CLEC2A: variants seen among roughly 807,000 people sequenced by gnomAD.
CLEC2A encodes keratinocyte-associated C-type lectin.
A neutral mutation model predicts 18.6 loss-of-function variants in CLEC2A; 19 were observed. The ratio of observed to expected loss-of-function variants is 1.02; its 90% CI spans 0.71 to 1.50. The LOEUF is 1.50. Among genes scored for constraint, CLEC2A ranks in the 40% most tolerant of loss-of-function variants. The pLI is 0.00. For missense variants in CLEC2A, 190 were observed against 207.9 expected, an observed-to-expected ratio of 0.91 and a Z score of 0.53; for synonymous variants, 74 against 64.0, an observed-to-expected ratio of 1.16 and a Z score of -0.75.
chr12:9,898,920 A>G, exon 5 of CLEC2A: 1 of 716,406 alleles, frequency 1.4e-6, no homozygotes, highest in Non-Finnish European at 2.6e-6. Context: ...AAGGGGTCCC[A>G]GCAGAAGAAG....
intron 4 of CLEC2A, among the ~76,000 whole-genome samples, chr12:9,907,748 A>G (rs1328462289): frequency 6.6e-6 from 1 of 152,154 alleles, no homozygotes; most frequent in Non-Finnish European, 1.5e-5. Context: ...GGCTAGGGGA[A>G]TCTGTGAACC....
intron 4 of CLEC2A, among the ~76,000 whole-genome samples, chr12:9,915,903 TAAAC>T (rs1190765770): frequency 1.3e-5 from 2 of 152,178 alleles, no homozygotes; most frequent in African/African-American, 4.8e-5. Context: ...TCTTTGTTGA[TAAAC>T]AAATCTTTCC....
chr12:9,893,415 T>G, the CLEC2A span: 52 of 1,191,478 alleles, frequency 4.4e-5, no homozygotes, highest in Middle Eastern at 1.1e-3. Flanking sequence ...ATAAATGCAC[T>G]ATTTCTTCTG....
exon 5 of CLEC2A, chr12:9,898,799 C>A (rs568908141): frequency 4.7e-5 from 28 of 597,076 alleles, no homozygotes; most frequent in Non-Finnish European, 8.3e-5. Context: ...AGAAGTACAT[C>A]TAACTGCCGT....
At chr12:9,932,217 T>C in intron 1 of CLEC2A, 58 bp downstream of exon 1, 1 of 1,216,264 alleles carries the variant, frequency 8.2e-7, no homozygotes, top group Non-Finnish European at 1.2e-6. Context: ...TTTTAAGCTG[T>C]CCTGTATTTT....
At chr12:9,906,392 A>G (rs760757307) in intron 4 of CLEC2A, among the ~76,000 whole-genome samples, 17 of 152,202 alleles carry the variant, frequency 1.1e-4, no homozygotes, top group Non-Finnish European at 1.8e-4. Context: ...CTGACTTTCA[A>G]AGGAAAAGCC....
chr12:9,889,017 A>G, the CLEC2A span, among the ~76,000 whole-genome samples: 1 of 152,288 alleles, frequency 6.6e-6, no homozygotes, highest in African/African-American at 2.4e-5. Flanking sequence ...TGAGTCAACA[A>G]CAGGATGATA....
In CLEC2A at chr12:9,904,958, C is replaced by T. The variant is rs376749572; in HGVS notation, c.411-5982G>A. Among the ~76,000 whole-genome samples, 14 of 152,158 alleles carry T rather than the reference C, an allele frequency of 9.2e-5. 1 individual carries two copies. Among genetic ancestry groups the T allele is most frequent in the South Asian group, 4.1e-4 (2 of 4,830 alleles). ...ATACTTATACTTGGTTGACTCAATA[C>T]GGTATGGACATAAATACTTATCTAC... On this transcript the variant is annotated intron_variant, in intron 4 of 4. Transcript: ENST00000339766.
intron 4 of CLEC2A, among the ~76,000 whole-genome samples, chr12:9,901,828 A>G (rs1394966204): frequency 6.6e-6 from 1 of 152,236 alleles, no homozygotes; most frequent in African/African-American, 2.4e-5. Context: ...AACCCTTTAC[A>G]AATTTTGCCA....
At chr12:9,906,983 C>T (rs1304061168) in intron 4 of CLEC2A, among the ~76,000 whole-genome samples, 1 of 152,154 alleles carries the variant, frequency 6.6e-6, no homozygotes, top group Non-Finnish European at 1.5e-5. Flanking sequence ...GAGTCACCTC[C>T]CTGCCTTTTG....
chr12:9,922,262 A>C, intron 2 of CLEC2A, 30 bp from the exon 3 acceptor site: 1 of 1,489,520 alleles, frequency 6.7e-7, no homozygotes. Context: ...ATGATCAGAT[A>C]AAGCATATGT....
chr12:9,920,939 A>G (rs745931218), intron 3 of CLEC2A, among the ~76,000 whole-genome samples: 93 of 152,304 alleles, frequency 6.1e-4, no homozygotes, highest in Non-Finnish European at 1.1e-3. Context: ...AAATCTACTT[A>G]ATAATCTAAG....
chr12:9,919,432 C>T (rs1863127724), intron 3 of CLEC2A, among the ~76,000 whole-genome samples: 1 of 152,198 alleles, frequency 6.6e-6, no homozygotes, highest in African/African-American at 2.4e-5. Flanking sequence ...GCCTCCTCTC[C>T]TGCAACTTGT....
intron 3 of CLEC2A, among the ~76,000 whole-genome samples, chr12:9,920,234 A>C (rs1186721939): frequency 6.6e-6 from 1 of 152,138 alleles, no homozygotes; most frequent in Non-Finnish European, 1.5e-5. Flanking sequence ...AGGGATGTGT[A>C]AGGGGGTCTA....
At chr12:9,886,763 C>CA in the CLEC2A span, among the ~76,000 whole-genome samples, 64,456 of 103,332 alleles carry the variant, frequency 0.62, 18,988 homozygotes, top group Non-Finnish European at 0.7. Context: ...CTATATCATG[C>CA]AAAAAAAAAA....
At chr12:9,879,966 A>G in the CLEC2A span, among the ~76,000 whole-genome samples, 3 of 152,184 alleles carry the variant, frequency 2.0e-5, no homozygotes, top group African/African-American at 7.2e-5. Context: ...CACCTCAACC[A>G]TACCTATGAC....
At chr12:9,892,226 G>T in the CLEC2A span, among the ~76,000 whole-genome samples, 1 of 152,072 alleles carries the variant, frequency 6.6e-6, no homozygotes, top group African/African-American at 2.4e-5. Context: ...AAAGTTAGCG[G>T]GTAAAGAAGG....
chr12:9,882,107 A>T, the CLEC2A span, among the ~76,000 whole-genome samples: 1 of 152,030 alleles, frequency 6.6e-6, no homozygotes, highest in African/African-American at 2.4e-5. Flanking sequence ...GCGAGAAGAG[A>T]GAAAAAAAAA....
At chr12:9,911,820 G>A (rs7301005), downstream of CLEC2A, among the ~76,000 whole-genome samples, 5,232 of 152,208 alleles carry the variant, frequency 0.034, 103 homozygotes, top group African/African-American at 0.044. Context: ...AGGAGAACAT[G>A]TAGATATCTA....
Sources: allele counts gnomAD v4.1 joint callset (sites outside exome capture counted in the v4.1 genomes callset), GRCh38; gene constraint gnomAD v4.1.1; transcripts MANE v1.5; gene names NCBI Gene and HGNC (gene_info 2026-07-23, HGNC 2026-07-21).